The following ACTR3B variants were observed in gnomAD, a reference collection of about 807,000 sequenced individuals.
The protein encoded by ACTR3B is actin related protein 3B, also known as actin-related protein 3B.
A neutral mutation model predicts 59.0 loss-of-function variants in ACTR3B; 8 were observed. The ratio of observed to expected loss-of-function variants is 0.14; its 90% CI spans 0.08 to 0.24. ACTR3B has a LOEUF of 0.24. Among genes scored for constraint, ACTR3B ranks in the 10% least tolerant of loss-of-function variants. The probability of loss-of-function intolerance (pLI) is 1.00; values close to 1 mark genes in which losing one functional copy is unlikely to be tolerated. For missense variants in ACTR3B, 245 were observed against 552.3 expected (o/e 0.44, Z 5.58); for synonymous variants, 148 against 197.9 (o/e 0.75, Z 2.12).
intron 9 of ACTR3B, 107 bp downstream of exon 9, chr7:152,825,229 C>T: frequency 1.8e-6 from 2 of 1,142,828 alleles, no homozygotes; most frequent in Non-Finnish European, 1.2e-6. Flanking sequence ...CCCTGTTTCA[C>T]CTTCTGTTTC....
At chr7:152,838,929 G>A (rs1284647113) in intron 9 of ACTR3B, among the ~76,000 whole-genome samples, 4 of 152,254 alleles carry the variant, frequency 2.6e-5, no homozygotes, top group Non-Finnish European at 5.9e-5. Flanking sequence ...GTTGTTGTTG[G>A]GTTTTGAAGT....
intron 9 of ACTR3B, among the ~76,000 whole-genome samples, chr7:152,844,639 C>G (rs1011747325): frequency 6.6e-5 from 10 of 151,588 alleles, no homozygotes. Context: ...TGTCTGAAAT[C>G]CAGCTCTCAG....
intron 6 of ACTR3B, among the ~76,000 whole-genome samples, chr7:152,819,568 A>T (rs1199655108): frequency 1.3e-5 from 2 of 152,228 alleles, no homozygotes; most frequent in African/African-American, 4.8e-5. Context: ...TGCTGTGGGC[A>T]TGTGGACACT....
chr7:152,827,955 CAGATGGTGA>C (rs1796709793), intron 9 of ACTR3B, among the ~76,000 whole-genome samples: 1 of 150,300 alleles, frequency 6.7e-6, no homozygotes, highest in South Asian at 2.1e-4. Flanking sequence ...TGTAAAGGGC[CAGATGGTGA>C]ATCATTTTGG....
chr7:152,810,630 T>TGGTG (rs1158912935), intron 4 of ACTR3B: 1 of 151,594 alleles, frequency 6.6e-6, no homozygotes, highest in East Asian at 2.0e-4. Flanking sequence ...TGGCCTGGCA[T>TGGTG]GGTGGCTCAC....
intron 9 of ACTR3B, among the ~76,000 whole-genome samples, chr7:152,836,609 G>A (rs558077854): frequency 2.0e-4 from 31 of 152,120 alleles, no homozygotes; most frequent in African/African-American, 7.2e-4. Context: ...AGGTTGGTCT[G>A]TGCTCTATAA....
chr7:152,797,610 T>C (rs1433001570), intron 2 of ACTR3B, among the ~76,000 whole-genome samples: 1 of 152,226 alleles, frequency 6.6e-6, no homozygotes, highest in Non-Finnish European at 1.5e-5. Context: ...CGTTGTATGC[T>C]AGATCTCTTG....
intron 1 of ACTR3B, among the ~76,000 whole-genome samples, chr7:152,764,416 G>A (rs1039884282): frequency 1.3e-5 from 2 of 152,010 alleles, no homozygotes; most frequent in African/African-American, 4.8e-5. Flanking sequence ...ATCACGACCC[G>A]TGGTCAGGAG....
Position 152,826,997 on chromosome 7 carries a change from G to A in ACTR3B, c.951+1875G>A, listed in dbSNP as rs567397613. 6.6e-5 allele frequency among the ~76,000 whole-genome samples: 10 copies of A among 151,942 alleles called. No homozygotes were observed. In the South Asian group the frequency reaches 2.1e-3, roughly 32 times the overall value. ...CACTGAAAATTATGTAAAATGCGGA[G>A]GGAAGAGGATTCTTCTTTTTGTTGC... On this transcript the variant is annotated intron_variant, in intron 9 of 11. Transcript: ENST00000256001.
rs1171617257 is a variant in ACTR3B, at chr7:152,777,682, C to T, written c.45-5505C>T. On this transcript the variant is annotated intron_variant, in intron 1 of 11. Transcript: ENST00000256001. ...TATAAAGAATGAAATTTGCCATGCGCGGTGGCTCACGCCTGCAATCCTAGC... is the reference window on the plus strand; with the variant it reads ...TATAAAGAATGAAATTTGCCATGCGTGGTGGCTCACGCCTGCAATCCTAGC... Among the ~76,000 whole-genome samples, 7 of 152,160 alleles carry T rather than the reference C, an allele frequency of 4.6e-5. No individual in the cohort carries two copies. In the East Asian group the frequency reaches 9.6e-4, roughly 21 times the overall value.
At chr7:152,809,604 C>T (rs1195578790) in intron 4 of ACTR3B, among the ~76,000 whole-genome samples, 10 of 151,746 alleles carry the variant, frequency 6.6e-5, no homozygotes, top group East Asian at 1.9e-4. Flanking sequence ...TGCAGTGGCA[C>T]GATCTCAGCT....
intron 1 of ACTR3B, among the ~76,000 whole-genome samples, chr7:152,774,973 G>A (rs971426066): frequency 1.1e-4 from 17 of 151,980 alleles, no homozygotes; most frequent in Admixed American, 7.2e-4. Flanking sequence ...ATTGAAGTTT[G>A]GGGTTTGAGA....
Position 152,759,785 on chromosome 7 carries a change from C to A in ACTR3B, c.-98C>A, listed in dbSNP as rs1436677477. The stretch of plus-strand genomic sequence containing the variant: ...TCCCGGCAGCGGCGCTGCGGCGGCT[C>A]GCGGGAGACGCTGCGCGCGGGGCTA... On this transcript the variant is annotated 5_prime_UTR_variant, in exon 1 of 12. Coordinates refer to ENST00000256001, the MANE Select transcript of ACTR3B (RefSeq NM_020445.6). 1.8e-5 allele frequency: 18 copies of A among 985,808 alleles called. No individual in the cohort carries two copies. Among genetic ancestry groups the A allele is most frequent in the Non-Finnish European group, 1.8e-5 (14 of 799,934 alleles). The allele number at this position is 985,808 out of a possible 1,614,324, so 61.1% of individuals were successfully genotyped here. A position where few individuals can be genotyped will look rare whatever the true frequency, so the allele number is the denominator to read the frequency against.
intron 9 of ACTR3B, among the ~76,000 whole-genome samples, chr7:152,850,934 T>C (rs982625481): frequency 1.3e-5 from 2 of 152,138 alleles, no homozygotes; most frequent in African/African-American, 4.8e-5. Flanking sequence ...TTAAAGGAAA[T>C]AGGGCTTTTT....
intron 1 of ACTR3B, among the ~76,000 whole-genome samples, chr7:152,774,197 C>T (rs1450187943): frequency 6.6e-6 from 1 of 152,174 alleles, no homozygotes; most frequent in Non-Finnish European, 1.5e-5. Context: ...AGTGCAATGG[C>T]GTGATCTCAA....
chr7:152,847,044 A>T (rs576635260), intron 9 of ACTR3B, among the ~76,000 whole-genome samples: 2 of 143,346 alleles, frequency 1.4e-5, no homozygotes, highest in Admixed American at 1.4e-4. Context: ...AGTGAGCTCT[A>T]GTGCCCGGGC....
intron 9 of ACTR3B, among the ~76,000 whole-genome samples, chr7:152,842,851 TA>T (rs1797975447): frequency 6.6e-6 from 1 of 152,262 alleles, no homozygotes; most frequent in African/African-American, 2.4e-5. Context: ...TTACAGCATC[TA>T]CCCTCCCACC....
At chr7:152,789,009 C>G (rs1487001765) in intron 2 of ACTR3B, among the ~76,000 whole-genome samples, 1 of 151,272 alleles carries the variant, frequency 6.6e-6, no homozygotes, top group Non-Finnish European at 1.5e-5. Context: ...GCAGCAGAAC[C>G]AGACGCTGTC....
intron 2 of ACTR3B, among the ~76,000 whole-genome samples, chr7:152,786,907 C>G (rs2098176598): frequency 6.6e-6 from 1 of 152,300 alleles, no homozygotes; most frequent in African/African-American, 2.4e-5. Flanking sequence ...ACATACAGAT[C>G]CACATCAGAA....
Sources: allele counts gnomAD v4.1 joint callset (sites outside exome capture counted in the v4.1 genomes callset), GRCh38; gene constraint gnomAD v4.1.1; transcripts MANE v1.5; gene names NCBI Gene and HGNC (gene_info 2026-07-23, HGNC 2026-07-21).